DCBLD2: variants seen among roughly 807,000 people sequenced by gnomAD.
The protein encoded by DCBLD2 is discoidin, CUB and LCCL domain-containing protein 2.
DCBLD2 carries 54 observed loss-of-function variants against 86.8 expected under a neutral mutation model. That is an observed-to-expected ratio of 0.62 (90% confidence interval 0.50 to 0.78). The LOEUF (loss-of-function observed/expected upper bound fraction) is 0.78, where lower values mean the gene tolerates loss of function less well. DCBLD2 is among the 30% of genes least tolerant of loss of function. DCBLD2 has a pLI of 0.00. For missense variants in DCBLD2, 908 were observed against 954.2 expected (o/e 0.95, Z 0.64); for synonymous variants, 354 against 341.3 (o/e 1.04, Z -0.41).
chr3:98,896,746 A>C (rs984794715), intron 1 of DCBLD2, among the ~76,000 whole-genome samples: 1 of 152,242 alleles, frequency 6.6e-6, no homozygotes, highest in Non-Finnish European at 1.5e-5. Flanking sequence ...GTTGTTATAA[A>C]GAAAACCGAA....
rs747621892 is a variant in DCBLD2, at chr3:98,799,739, G to A, written c.1961C>T (p.Pro654Leu). The change falls in exon 16 of 16, where the codon CCT (proline) becomes CTT (leucine). Residue 654 changes from proline (P) to leucine (L), a missense_variant. By Grantham distance (98) the Pro-to-Leu change is moderately conservative. Coordinates refer to ENST00000326840, the MANE Select transcript of DCBLD2 (RefSeq NM_080927.4). ...GKEAGYADLD[P>L]YNSPGQEVYH... ...AACTTCCTGCCCTGGTGAGTTGTAA[G>A]GATCTAGGTCTGCATAGCCTGCTTC... 1.9e-6 allele frequency: 3 copies of A among 1,613,860 alleles called. No individual in the cohort carries two copies.
At chr3:98,834,662 T>C (rs944899119) in intron 3 of DCBLD2, among the ~76,000 whole-genome samples, 1 of 150,216 alleles carries the variant, frequency 6.7e-6, no homozygotes, top group African/African-American at 2.4e-5. Context: ...AATATTCCAT[T>C]GTGTATACAT....
At position 98,806,703 on chromosome 3, in the gene DCBLD2, A is replaced by G. The variant is rs1941846446; in HGVS notation, c.1670+1378T>C. ...AGCCAAATATTCAAATACTTGTTGC[A>G]TGGCTGAACAAATGAAGTCATTTTC... On this transcript the variant is annotated intron_variant, in intron 13 of 15. Coordinates refer to ENST00000326840, the MANE Select transcript of DCBLD2 (RefSeq NM_080927.4). 2.0e-5 allele frequency among the ~76,000 whole-genome samples: 3 copies of G among 152,204 alleles called. No homozygotes were observed. In the South Asian group the frequency reaches 6.2e-4, roughly 31 times the overall value.
intron 12 of DCBLD2, among the ~76,000 whole-genome samples, chr3:98,810,657 C>T (rs184968478): frequency 1.8e-4 from 27 of 152,152 alleles, no homozygotes; most frequent in Admixed American, 7.9e-4. Context: ...AAAGTAAATT[C>T]TAATAAATTT....
chr3:98,831,600 T>G (rs2107459386), intron 3 of DCBLD2, among the ~76,000 whole-genome samples: 1 of 152,314 alleles, frequency 6.6e-6, no homozygotes, highest in East Asian at 1.9e-4. Context: ...TGCTATAAAT[T>G]TCTCTTGTAA....
At chr3:98,879,156 AAAG>A (rs1339156997) in intron 2 of DCBLD2, among the ~76,000 whole-genome samples, 3 of 152,178 alleles carry the variant, frequency 2.0e-5, no homozygotes, top group Non-Finnish European at 4.4e-5. Context: ...ACAAAAGTAG[AAAG>A]AAGAGGGTGT....
At chr3:98,844,515 C>T (rs1457427700) in intron 3 of DCBLD2, among the ~76,000 whole-genome samples, 1 of 151,986 alleles carries the variant, frequency 6.6e-6, no homozygotes, top group Non-Finnish European at 1.5e-5. Flanking sequence ...GCACCCACCA[C>T]CACGCCCGGC....
chr3:98,808,196 C>G (rs1941875753), intron 12 of DCBLD2, 22 bp from the exon 13 acceptor site: 22 of 1,573,692 alleles, frequency 1.4e-5, no homozygotes, highest in Non-Finnish European at 1.6e-5. Context: ...AAGACAAAAA[C>G]AGACAAACAA....
chr3:98,850,225 C>T (rs1043965949), intron 2 of DCBLD2, among the ~76,000 whole-genome samples: 3 of 152,298 alleles, frequency 2.0e-5, no homozygotes, highest in African/African-American at 7.2e-5. Context: ...CACAGAGGTG[C>T]CTCATCTTTT....
At position 98,851,599 on chromosome 3, in the gene DCBLD2, G is replaced by A. The variant is rs531934644; in HGVS notation, c.434-2001C>T. 2.0e-5 allele frequency among the ~76,000 whole-genome samples: 3 copies of A among 152,170 alleles called. 1 individual carries two copies. The South Asian group carries it at 6.2e-4, about 32-fold the overall frequency. ...AAAAAACTACTTTAAATTTCATATGGAACCAAAAAAGAATCCATGTAGCCA... is the reference window on the plus strand; with the variant it reads ...AAAAAACTACTTTAAATTTCATATGAAACCAAAAAAGAATCCATGTAGCCA... On this transcript the variant is annotated intron_variant, in intron 2 of 15. Coordinates refer to ENST00000326840, the MANE Select transcript of DCBLD2 (RefSeq NM_080927.4).
chr3:98,864,803 T>C (rs906507064), intron 2 of DCBLD2, among the ~76,000 whole-genome samples: 12 of 151,264 alleles, frequency 7.9e-5, no homozygotes, highest in South Asian at 2.1e-4. Flanking sequence ...TGCATACATA[T>C]GTAAAAAACC....
intron 2 of DCBLD2, among the ~76,000 whole-genome samples, chr3:98,859,608 C>G (rs1413843566): frequency 2.6e-5 from 4 of 152,210 alleles, no homozygotes; most frequent in African/African-American, 9.7e-5. Context: ...GATACCCAGG[C>G]AAACAGGGTC....
At chr3:98,812,509 A>C (rs369291234) in intron 9 of DCBLD2, 27 bp from the exon 10 acceptor site, 29 of 1,595,852 alleles carry the variant, frequency 1.8e-5, no homozygotes, top group Non-Finnish European at 2.4e-5. Context: ...AAAAATTGGT[A>C]CTTCAAATCA....
chr3:98,882,464 T>C (rs1943487616), intron 1 of DCBLD2, among the ~76,000 whole-genome samples: 1 of 152,100 alleles, frequency 6.6e-6, no homozygotes, highest in Admixed American at 6.6e-5. Context: ...CTGGGGTACA[T>C]GTGCACAATG....
At chr3:98,845,575 G>A (rs946181744) in intron 3 of DCBLD2, among the ~76,000 whole-genome samples, 4 of 152,062 alleles carry the variant, frequency 2.6e-5, no homozygotes, top group East Asian at 1.9e-4. Flanking sequence ...TATTTGACCC[G>A]CTCTTCACAG....
chr3:98,885,583 A>C (rs1943547604), intron 1 of DCBLD2, among the ~76,000 whole-genome samples: 1 of 152,070 alleles, frequency 6.6e-6, no homozygotes, highest in Admixed American at 6.6e-5. Flanking sequence ...TTGAATTTGC[A>C]AATCAAGGAA....
chr3:98,858,018 CA>C (rs1288226557), intron 2 of DCBLD2, among the ~76,000 whole-genome samples: 1 of 152,252 alleles, frequency 6.6e-6, no homozygotes, highest in African/African-American at 2.4e-5. Flanking sequence ...TGCCATGGAG[CA>C]GGGGGCGGTG....
At chr3:98,891,255 G>A (rs1248903898) in intron 1 of DCBLD2, among the ~76,000 whole-genome samples, 3 of 151,590 alleles carry the variant, frequency 2.0e-5, no homozygotes, top group African/African-American at 7.3e-5. Context: ...AAGCAAGCAA[G>A]CAAGCAAGCA....
intron 2 of DCBLD2, among the ~76,000 whole-genome samples, chr3:98,862,603 A>T (rs1263509225): frequency 6.6e-6 from 1 of 152,266 alleles, no homozygotes; most frequent in Non-Finnish European, 1.5e-5. Flanking sequence ...ATATAAACAG[A>T]ACCACATACA....
Sources: allele counts gnomAD v4.1 joint callset (sites outside exome capture counted in the v4.1 genomes callset), GRCh38; gene constraint gnomAD v4.1.1; transcripts MANE v1.5; gene names NCBI Gene and HGNC (gene_info 2026-07-23, HGNC 2026-07-21).